Variants in SPTLC2 observed in about 807,000 individuals in gnomAD.
SPTLC2 encodes the protein serine palmitoyltransferase long chain base subunit 2.
In SPTLC2, 21 loss-of-function variants were observed where a neutral mutation model predicts 62.0. That is an observed-to-expected ratio of 0.34 (90% CI 0.24 to 0.49). The LOEUF (loss-of-function observed/expected upper bound fraction) is 0.49, where lower values mean the gene tolerates loss of function less well. SPTLC2 is among the 20% of genes least tolerant of loss of function. SPTLC2 has a pLI of 0.99. For missense variants in SPTLC2, 511 were observed against 713.0 expected, an observed-to-expected ratio of 0.72 and a Z score of 3.23; for synonymous variants, 261 against 261.8, an observed-to-expected ratio of 1.00 and a Z score of 0.03.
chr14:77,581,973 T>C (rs1349057669), intron 2 of SPTLC2, among the ~76,000 whole-genome samples: 1 of 152,144 alleles, frequency 6.6e-6, no homozygotes, highest in African/African-American at 2.4e-5. Context: ...TTTTCATTCA[T>C]GTAAAAAAGG....
intron 9 of SPTLC2, among the ~76,000 whole-genome samples, chr14:77,531,465 C>T (rs1251857457): frequency 1.6e-5 from 2 of 123,358 alleles, no homozygotes; most frequent in African/African-American, 7.0e-5. Context: ...CCTCCTCCTC[C>T]TCCTCCTCCC....
rs757660579 is a variant in SPTLC2 at position 77,555,480 on chromosome 14, G to T, written c.996C>A (p.Ala332=). The T allele has an allele frequency of 1.9e-6, 3 of 1,614,068 alleles. No homozygotes were observed. Among genetic ancestry groups the T allele is most frequent in the South Asian group, 2.2e-5 (2 of 91,080 alleles). Residue 332 remains alanine, a synonymous_variant, in exon 8 of 12, where the codon GCC becomes GCA. Transcript: ENST00000216484. ...GSIVRLPEVI[A]LKKKYKAYLY... ...AGTATGCCTTGTATTTCTTCTTGAG[G>T]GCAATCACTTCAGGAAGACGAACAA... is the stretch of plus-strand genomic sequence containing the variant.
At chr14:77,533,394 T>C (rs1253297316) in intron 9 of SPTLC2, among the ~76,000 whole-genome samples, 2 of 151,758 alleles carry the variant, frequency 1.3e-5, no homozygotes, top group Non-Finnish European at 2.9e-5. Context: ...AGAAATAATA[T>C]GCTCTCTAGG....
intron 4 of SPTLC2, among the ~76,000 whole-genome samples, chr14:77,575,148 GA>G (rs1421233580): frequency 6.6e-6 from 1 of 152,184 alleles, no homozygotes; most frequent in African/African-American, 2.4e-5. Context: ...CTGGAGTACC[GA>G]AGTTTGAGGC....
At chr14:77,514,885 T>G (rs1012821004) in intron 11 of SPTLC2, among the ~76,000 whole-genome samples, 3 of 152,230 alleles carry the variant, frequency 2.0e-5, no homozygotes, top group African/African-American at 7.2e-5. Context: ...CTCTTATAAA[T>G]GGAATTGTAA....
intron 9 of SPTLC2, among the ~76,000 whole-genome samples, chr14:77,534,974 C>T (rs980406257): frequency 2.2e-4 from 33 of 151,964 alleles, no homozygotes; most frequent in African/African-American, 7.2e-4. Flanking sequence ...GTTGCCCAGG[C>T]GGAGTGCAAT....
intron 11 of SPTLC2, among the ~76,000 whole-genome samples, chr14:77,513,200 CA>C (rs1463113914): frequency 6.6e-6 from 1 of 151,396 alleles, no homozygotes; most frequent in African/African-American, 2.4e-5. Context: ...AATTTTTGTC[CA>C]GACAGGGTTT....
intron 2 of SPTLC2, 98 bp from the exon 3 acceptor site, chr14:77,579,207 G>T: frequency 3.2e-6 from 4 of 1,244,564 alleles, no homozygotes; most frequent in Non-Finnish European, 4.6e-6. Flanking sequence ...TAAATTTATG[G>T]GGTATAAGGG....
chr14:77,534,091 G>A (rs1054708667), intron 9 of SPTLC2, among the ~76,000 whole-genome samples: 9 of 151,970 alleles, frequency 5.9e-5, no homozygotes, highest in African/African-American at 2.2e-4. Flanking sequence ...CTGGGTGGTA[G>A]AGGTTGCAGT....
At chr14:77,614,383 G>A (rs763081117) in intron 1 of SPTLC2, among the ~76,000 whole-genome samples, 30 of 150,892 alleles carry the variant, frequency 2.0e-4, no homozygotes, top group Non-Finnish European at 2.8e-4. Flanking sequence ...AAATCATACC[G>A]GCCAGGTGCA....
intron 11 of SPTLC2, among the ~76,000 whole-genome samples, chr14:77,513,016 CTT>C (rs1190713237): frequency 0.035 from 2,173 of 62,602 alleles, 5 homozygotes; most frequent in African/African-American, 0.057. Context: ...AACCCAGCAA[CTT>C]TTTTTTTTTT....
In SPTLC2 at chr14:77,521,544, C is replaced by T. The variant is rs2079384827; in HGVS notation, c.1341G>A (p.Arg447=). 1 of 1,613,936 alleles carries T rather than the reference C, an allele frequency of 6.2e-7. No homozygotes were observed. Among genetic ancestry groups the T allele is most frequent in the East Asian group, 2.2e-5 (1 of 44,870 alleles). The part of the protein sequence containing the change: ...ECVQQLAENT[R]YFRRRLKEMG... ...TCTCTTTCAGGCGTCTCCTGAAATA[C>T]CTGGTGTTTTCAGCTAACTGTTGTA... Residue 447 remains arginine, a synonymous_variant, in exon 10 of 12, where the codon AGG becomes AGA. Coordinates refer to ENST00000216484, the MANE Select transcript of SPTLC2 (RefSeq NM_004863.4).
chr14:77,533,924 C>T (rs182868103), intron 9 of SPTLC2, among the ~76,000 whole-genome samples: 2 of 152,014 alleles, frequency 1.3e-5, no homozygotes, highest in Non-Finnish European at 2.9e-5. Context: ...CTTGGGAGGC[C>T]GAGGCGGGAG....
chr14:77,550,006 G>A (rs1047307920), intron 9 of SPTLC2, among the ~76,000 whole-genome samples: 9 of 152,196 alleles, frequency 5.9e-5, no homozygotes, highest in Non-Finnish European at 2.9e-5. Flanking sequence ...AATGCTAGCT[G>A]TATGTATATA....
At chr14:77,513,043 T>TTTTTTTTTTTTTTAAA (rs66611905) in intron 11 of SPTLC2, among the ~76,000 whole-genome samples, 1 of 139,168 alleles carries the variant, frequency 7.2e-6, no homozygotes, top group Non-Finnish European at 1.5e-5. Context: ...TTTTTTTTTT[T>TTTTTTTTTTTTTTAAA]GAGACAGAGT....
intron 5 of SPTLC2, among the ~76,000 whole-genome samples, chr14:77,567,744 T>C (rs1410171048): frequency 1.3e-5 from 2 of 152,230 alleles, no homozygotes. Context: ...TTCATTAATT[T>C]TTGCATTTAT....
chr14:77,576,818 T>C lies in SPTLC2; in HGVS notation c.580A>G (p.Lys194Glu). 1 of 1,614,212 alleles carries C rather than the reference T, an allele frequency of 6.2e-7. No homozygotes were observed. The highest frequency in any genetic ancestry group is 1.1e-5 in the South Asian group (1 of 91,088). ...CCAGCTCCATACTCCTCAAGGACTT[T>C]GGCGGCTGCTTCTTGACATGATCCA... ...NTGSCQEAAAKVLEEYGAGVC... is the reference protein window; with the variant it reads ...NTGSCQEAAAEVLEEYGAGVC... Residue 194 changes from lysine to glutamate, a missense_variant, in exon 4 of 12, where the codon AAA (lysine) becomes GAA (glutamate). Coordinates refer to ENST00000216484, the MANE Select transcript of SPTLC2 (RefSeq NM_004863.4).
At chr14:77,581,513 C>T (rs975781148) in intron 2 of SPTLC2, among the ~76,000 whole-genome samples, 7 of 146,494 alleles carry the variant, frequency 4.8e-5, no homozygotes, top group Non-Finnish European at 8.9e-5. Context: ...CAGGTTCAAG[C>T]GACTCTCCTG....
At chr14:77,520,425 C>T (rs527984549) in intron 10 of SPTLC2, among the ~76,000 whole-genome samples, 8 of 152,242 alleles carry the variant, frequency 5.3e-5, no homozygotes, top group Non-Finnish European at 8.8e-5. Context: ...TACTGAGTGT[C>T]GGAGACTGTG....
Sources: gnomAD v4.1 joint callset for allele counts (sites outside exome capture counted in the v4.1 genomes callset) on GRCh38, gnomAD v4.1.1 for gene constraint, MANE v1.5 for transcripts, NCBI Gene and HGNC (gene_info 2026-07-23, HGNC 2026-07-21) for gene names.